The following ZYG11A variants were observed in gnomAD, a reference collection of about 807,000 sequenced individuals.
ZYG11A encodes zyg-11 family member A, cell cycle regulator, also known as protein zyg-11 homolog A.
Under a neutral mutation model 77.2 loss-of-function variants are expected in ZYG11A, and 62 were observed. That is an observed-to-expected ratio of 0.80 (90% confidence interval 0.65 to 0.99). The LOEUF (loss-of-function observed/expected upper bound fraction) is 0.99. ZYG11A is among the 50% of genes least tolerant of loss of function. ZYG11A has a pLI of 0.00. For missense variants in ZYG11A, 828 were observed against 896.8 expected (o/e 0.92, Z 0.98); for synonymous variants, 315 against 324.6 (o/e 0.97, Z 0.32).
intron 13 of ZYG11A, among the ~76,000 whole-genome samples, chr1:52,888,031 A>C (rs1199053998): frequency 1.3e-5 from 2 of 152,212 alleles, no homozygotes; most frequent in African/African-American, 4.8e-5. Flanking sequence ...ATAAAAACCA[A>C]TAGTTTTATA....
intron 1 of ZYG11A, among the ~76,000 whole-genome samples, chr1:52,849,935 C>T (rs928030584): frequency 2.6e-5 from 4 of 152,084 alleles, no homozygotes; most frequent in African/African-American, 4.8e-5. Context: ...CCGCCCACCT[C>T]GGCCTCCTAA....
intron 11 of ZYG11A, among the ~76,000 whole-genome samples, chr1:52,884,356 C>T (rs1344152698): frequency 2.0e-5 from 3 of 151,816 alleles, no homozygotes; most frequent in Non-Finnish European, 4.4e-5. Context: ...ATTAGCTGGG[C>T]GTGGTGGCGG....
chr1:52,857,326 T>C lies in ZYG11A; in HGVS notation c.585T>C (p.Thr195=). The change falls in exon 3 of 14, where the codon ACT becomes ACC. Residue 195 remains threonine, a synonymous_variant. Transcript: ENST00000371528. ...GTGTTTTTAATGTTTGTTTTCATAC[T>C]GAAGACCTGGCTAATGTTTCTCAGT... The part of the protein sequence containing the change: ...ILSVFNVCFH[T]EDLANVSQLP... 6.4e-7 allele frequency: 1 copy of C among 1,551,888 alleles called. No homozygotes were observed. The highest frequency in any genetic ancestry group is 8.7e-7 in the Non-Finnish European group (1 of 1,147,028).
At chr1:52,869,946 TG>T (rs1646115441) in intron 8 of ZYG11A, among the ~76,000 whole-genome samples, 1 of 142,530 alleles carries the variant, frequency 7.0e-6, no homozygotes, top group Admixed American at 6.8e-5. Context: ...ACAGGGTGGC[TG>T]GCCGGGCGGG....
Position 52,864,635 on chromosome 1 carries a change from A to G in ZYG11A, c.1326+478A>G, listed in dbSNP as rs183977186. On this transcript the variant is annotated intron_variant, in intron 5 of 13. Transcript: ENST00000371528. ...ATAGAAAAAATAGGAAATATAGATA[A>G]GCAGTGAGGCTAAAATTTTCTTTTT... Among the ~76,000 whole-genome samples the G allele has an allele frequency of 4.7e-3, 716 of 152,098 alleles. 7 individuals carry two copies. Among genetic ancestry groups the G allele is most frequent in the African/African-American group, 0.017 (693 of 41,510 alleles).
Position 52,857,325 on chromosome 1 carries a change from C to G in ZYG11A, c.584C>G (p.Thr195Ser). ...AGTGTTTTTAATGTTTGTTTTCATA[C>G]TGAAGACCTGGCTAATGTTTCTCAG... Reference protein sequence around the residue: ...ILSVFNVCFHTEDLANVSQLP... With the variant: ...ILSVFNVCFHSEDLANVSQLP... Residue 195 changes from threonine (T) to serine (S), a missense_variant, in exon 3 of 14, where the codon ACT (threonine) becomes AGT (serine). Transcript: ENST00000371528. 6.4e-7 allele frequency: 1 copy of G among 1,551,842 alleles called. No individual in the cohort carries two copies. The highest frequency in any genetic ancestry group is 2.4e-5 in the East Asian group (1 of 40,932).
chr1:52,875,094 G>T (rs923317544), intron 8 of ZYG11A, among the ~76,000 whole-genome samples: 14 of 152,220 alleles, frequency 9.2e-5, no homozygotes, highest in African/African-American at 3.4e-4. Flanking sequence ...TGCATTAGAA[G>T]GAAGCTGAGA....
At chr1:52,844,806 T>C (rs542343492) in intron 1 of ZYG11A, among the ~76,000 whole-genome samples, 2 of 152,244 alleles carry the variant, frequency 1.3e-5, no homozygotes, top group South Asian at 2.1e-4. Context: ...CTTGTGTATA[T>C]ATAAGAATAC....
chr1:52,844,208 C>T (rs1571822490), intron 1 of ZYG11A, among the ~76,000 whole-genome samples: 2 of 152,100 alleles, frequency 1.3e-5, no homozygotes, highest in African/African-American at 4.8e-5. Flanking sequence ...AAGGCTCGAC[C>T]CAAAATTTAT....
intron 10 of ZYG11A, among the ~76,000 whole-genome samples, chr1:52,879,319 C>T (rs1041550196): frequency 6.6e-6 from 1 of 152,162 alleles, no homozygotes; most frequent in Non-Finnish European, 1.5e-5. Flanking sequence ...ATCTGATTTA[C>T]AACTGACAAG....
Position 52,877,922 on chromosome 1 carries a change from C to A in ZYG11A, c.1705-3C>A. On this transcript the variant is annotated splice_region_variant and splice_polypyrimidine_tract_variant and intron_variant, in intron 9 of 13. Transcript: ENST00000371528. ...AACCTGTATGTATATATTTTTTTGA[C>A]AGACCTTTTCAGAGTCAGCAATACA... The A allele has an allele frequency of 6.4e-7, 1 of 1,551,482 alleles. No individual in the cohort carries two copies. Among genetic ancestry groups the A allele is most frequent in the Non-Finnish European group, 8.7e-7 (1 of 1,146,906 alleles).
At chr1:52,873,173 A>G (rs1250222683) in intron 8 of ZYG11A, among the ~76,000 whole-genome samples, 1 of 152,138 alleles carries the variant, frequency 6.6e-6, no homozygotes, top group Non-Finnish European at 1.5e-5. Context: ...TTAGCCAGGC[A>G]TGGTGGCATG....
intron 1 of ZYG11A, among the ~76,000 whole-genome samples, chr1:52,847,819 G>A (rs1035800612): frequency 4.7e-5 from 7 of 147,992 alleles, no homozygotes; most frequent in African/African-American, 1.0e-4. Context: ...ACAGGTGTGT[G>A]CCACCACGCC....
At chr1:52,855,070 C>T (rs1331878694) in intron 2 of ZYG11A, among the ~76,000 whole-genome samples, 2 of 152,054 alleles carry the variant, frequency 1.3e-5, no homozygotes, top group Non-Finnish European at 2.9e-5. Context: ...CCACTTTGGT[C>T]AGGCTGGTCT....
chr1:52,871,645 A>C (rs1372204915), intron 8 of ZYG11A, among the ~76,000 whole-genome samples: 6 of 151,846 alleles, frequency 4.0e-5, no homozygotes, highest in African/African-American at 1.4e-4. Context: ...CACCAGGATA[A>C]TTTTTGTATT....
In ZYG11A at chr1:52,894,468, T is replaced by C. The variant is rs577057731; in HGVS notation, c.*1511T>C. ...AGCCTTGCGGAGCTGCTCTGAGGAA[T>C]AGTGTGAATTCCTTCCTTGCCTTAT... On this transcript the variant is annotated 3_prime_UTR_variant, in exon 14 of 14. Transcript: ENST00000371528. 6.6e-6 allele frequency: 1 copy of C among 152,222 alleles called. No homozygotes were observed. The highest frequency in any genetic ancestry group is 2.4e-5 in the African/African-American group (1 of 41,470). The allele number at this position is 152,222 out of a possible 1,614,324, so 9.4% of individuals were successfully genotyped here. A position where few individuals can be genotyped will look rare whatever the true frequency, so the allele number is the denominator to read the frequency against.
chr1:52,864,198 T>C (rs767015786), intron 5 of ZYG11A, 41 bp downstream of exon 5: 19 of 1,535,494 alleles, frequency 1.2e-5, no homozygotes, highest in East Asian at 7.3e-5. Flanking sequence ...TTTTTGTTGT[T>C]GTTAATAGTC....
At chr1:52,870,403 C>T (rs1297518926) in intron 8 of ZYG11A, among the ~76,000 whole-genome samples, 1 of 151,506 alleles carries the variant, frequency 6.6e-6, no homozygotes, top group African/African-American at 2.4e-5. Context: ...AGGGGCTCCT[C>T]ACATCCCAGA....
chr1:52,887,787 T>C (rs1006331259), intron 13 of ZYG11A, among the ~76,000 whole-genome samples: 2 of 152,004 alleles, frequency 1.3e-5, no homozygotes, highest in African/African-American at 4.8e-5. Flanking sequence ...AGTGGAAGTA[T>C]CCCTTAAGCT....
Sources: allele counts gnomAD v4.1 joint callset (sites outside exome capture counted in the v4.1 genomes callset), GRCh38; gene constraint gnomAD v4.1.1; transcripts MANE v1.5; gene names NCBI Gene and HGNC (gene_info 2026-07-23, HGNC 2026-07-21).